Variants in UGGT2 observed in about 807,000 individuals in gnomAD.
UGGT2 encodes UDP-glucose:glycoprotein glucosyltransferase 2.
In UGGT2, 180 loss-of-function variants were observed where a neutral mutation model predicts 192.1. The observed-to-expected ratio is 0.94, with a 90% CI of 0.83 to 1.06. The LOEUF is 1.06. UGGT2 is among the 50% of genes least tolerant of loss of function. UGGT2 has a pLI of 0.00. For synonymous variants in UGGT2, 580 were observed against 591.0 expected (o/e 0.98, Z 0.27); for missense variants, 1,849 against 1,795.7 (o/e 1.03, Z -0.54).
intron 12 of UGGT2, among the ~76,000 whole-genome samples, chr13:95,959,702 C>T (rs1436682123): frequency 2.6e-5 from 4 of 152,172 alleles, no homozygotes; most frequent in South Asian, 2.1e-4. Flanking sequence ...AGAATTGTCC[C>T]GCCACTTACT....
intron 28 of UGGT2, 79 bp from the exon 29 acceptor site, chr13:95,877,443 TA>T: frequency 8.5e-7 from 1 of 1,173,092 alleles, no homozygotes; most frequent in Non-Finnish European, 1.2e-6. Context: ...ACGAATGATC[TA>T]AGAAAGTATT....
chr13:95,953,769 G>GA (rs971977841), intron 12 of UGGT2, among the ~76,000 whole-genome samples: 10 of 152,044 alleles, frequency 6.6e-5, no homozygotes, highest in Non-Finnish European at 1.2e-4. Flanking sequence ...CACATTTGGA[G>GA]AAAAAAGAAT....
chr13:95,927,834 C>T (rs1322832760), intron 17 of UGGT2, among the ~76,000 whole-genome samples: 3 of 152,238 alleles, frequency 2.0e-5, no homozygotes, highest in African/African-American at 7.2e-5. Flanking sequence ...GTTTGTGTCC[C>T]TGGGTACTTG....
intron 36 of UGGT2, among the ~76,000 whole-genome samples, chr13:95,851,460 G>C (rs1889027272): frequency 6.6e-6 from 1 of 152,138 alleles, no homozygotes; most frequent in Non-Finnish European, 1.5e-5. Context: ...GTAGAGAATA[G>C]CAACATTTAA....
chr13:95,912,082 T>A (rs186448276), intron 20 of UGGT2, among the ~76,000 whole-genome samples: 1 of 152,184 alleles, frequency 6.6e-6, no homozygotes, highest in Non-Finnish European at 1.5e-5. Flanking sequence ...TGATGGAACA[T>A]ATCTCAAAAT....
intron 38 of UGGT2, among the ~76,000 whole-genome samples, chr13:95,814,951 T>C (rs1367506492): frequency 1.3e-5 from 2 of 152,204 alleles, no homozygotes; most frequent in African/African-American, 4.8e-5. Context: ...GTATAATTTA[T>C]ATATTAACTA....
intron 5 of UGGT2, among the ~76,000 whole-genome samples, chr13:96,010,970 G>A (rs910739422): frequency 2.6e-5 from 4 of 152,122 alleles, no homozygotes; most frequent in African/African-American, 9.7e-5. Flanking sequence ...TACAAATACA[G>A]TCAATTATAT....
At chr13:95,877,640 G>T in intron 28 of UGGT2, 58 bp downstream of exon 28, 1 of 1,543,838 alleles carries the variant, frequency 6.5e-7, no homozygotes. Context: ...TTACTCTTAG[G>T]AAAACAGAGA....
intron 38 of UGGT2, among the ~76,000 whole-genome samples, chr13:95,803,139 C>G (rs1566528381): frequency 6.6e-6 from 1 of 151,792 alleles, no homozygotes. Flanking sequence ...CAGCCGATAG[C>G]CTGGTATCTA....
chr13:95,815,738 C>T (rs1884810803), intron 38 of UGGT2, among the ~76,000 whole-genome samples: 1 of 152,130 alleles, frequency 6.6e-6, no homozygotes, highest in Non-Finnish European at 1.5e-5. Context: ...TGAATAGGCA[C>T]TTTGCAAAAA....
chr13:95,807,904 C>T (rs1057494408), intron 38 of UGGT2, among the ~76,000 whole-genome samples: 3 of 151,972 alleles, frequency 2.0e-5, no homozygotes, highest in Non-Finnish European at 4.4e-5. Context: ...TATTATCATC[C>T]TTCCAGACTT....
In UGGT2 at chr13:95,851,582, T is replaced by C. The variant is rs1275319648; in HGVS notation, c.4284+1961A>G. ...AGAAGCCAATAGAGAGTCAAGAGAGTGTCAAGAAAGGAGAGGTTGAAAACA... is the reference window on the plus strand; with the variant it reads ...AGAAGCCAATAGAGAGTCAAGAGAGCGTCAAGAAAGGAGAGGTTGAAAACA... On this transcript the variant is annotated intron_variant, in intron 36 of 38. Coordinates refer to ENST00000376747, the MANE Select transcript of UGGT2 (RefSeq NM_020121.4). 3.3e-5 allele frequency among the ~76,000 whole-genome samples: 5 copies of C among 151,748 alleles called. No homozygotes were observed. In the East Asian group the frequency reaches 9.7e-4, roughly 29 times the overall value.
rs1268806255 is a variant in UGGT2 at position 95,997,631 on chromosome 13, AT to A, written c.758-1497del. On this transcript the variant is annotated intron_variant, in intron 6 of 38. Coordinates refer to ENST00000376747, the MANE Select transcript of UGGT2 (RefSeq NM_020121.4). ...GCACTCCAGCCTGGGTGACAGAGCA[AT>A]GATTCCATCTCAGGAAAAAAAAGAA... is the stretch of plus-strand genomic sequence containing the variant. 4.3e-3 allele frequency among the ~76,000 whole-genome samples: 661 copies of A among 152,254 alleles called. 2 individuals carry two copies. The highest frequency in any genetic ancestry group is 0.015 in the African/African-American group (637 of 41,536).
Position 95,860,880 on chromosome 13 carries a change from G to T in UGGT2, c.3648C>A (p.Phe1216Leu). ...TGTTTTCTTTATGCAAGCTTACTGT[G>T]AAACTTGGAATAAAAAAGTAATTGA... ...TKGLWDSIKS[F>L]TVSLHKENKK... The change falls in exon 32 of 39, where the codon TTC (phenylalanine) becomes TTA (leucine). Residue 1216 changes from phenylalanine to leucine, a missense_variant. By Grantham distance (22) the Phe-to-Leu change is conservative (BLOSUM62 0). Coordinates refer to ENST00000376747, the MANE Select transcript of UGGT2 (RefSeq NM_020121.4). 6.5e-7 allele frequency: 1 copy of T among 1,542,040 alleles called. No individual in the cohort carries two copies. Among genetic ancestry groups the T allele is most frequent in the Admixed American group, 2.0e-5 (1 of 50,400 alleles).
In UGGT2 at chr13:95,948,009, C is replaced by G. The variant is rs768401379; in HGVS notation, c.1528G>C (p.Glu510Gln). The change falls in exon 14 of 39, where the codon GAA becomes CAA. Residue 510 changes from glutamate to glutamine, a missense_variant. Transcript: ENST00000376747. ...AATGACAATTACCTAAGAGGAACTT[C>G]GTGAGAATAGAAAACATCAGCAAGT... ...IKLADVFYSH[E>Q]VPLRIGFVFI... is the part of the protein sequence containing the mutation. 7 of 1,612,126 alleles carry G rather than the reference C, an allele frequency of 4.3e-6. No homozygotes were observed. The African/African-American group carries it at 5.3e-5, about 12-fold the overall frequency.
chr13:95,992,773 A>T (rs886937959), intron 7 of UGGT2, among the ~76,000 whole-genome samples: 1 of 152,186 alleles, frequency 6.6e-6, no homozygotes, highest in African/African-American at 2.4e-5. Context: ...TCAAAAAGTA[A>T]CAGATGCTGG....
intron 10 of UGGT2, among the ~76,000 whole-genome samples, chr13:95,975,726 G>C (rs948028862): frequency 6.6e-6 from 1 of 152,238 alleles, no homozygotes; most frequent in Admixed American, 6.5e-5. Context: ...GACTGGTTGA[G>C]ATTTACAATG....
chr13:95,993,938 T>C (rs2051535617), intron 7 of UGGT2, among the ~76,000 whole-genome samples: 1 of 152,150 alleles, frequency 6.6e-6, no homozygotes, highest in South Asian at 2.1e-4. Flanking sequence ...ATGCTATTCC[T>C]TGTCTTCAAT....
In UGGT2 at chr13:95,801,619, T is replaced by C. The variant is rs1035796396; in HGVS notation, c.*171A>G. On this transcript the variant is annotated 3_prime_UTR_variant, in exon 39 of 39. Coordinates refer to ENST00000376747, the MANE Select transcript of UGGT2 (RefSeq NM_020121.4). Reference sequence around the variant, plus strand: ...TGGTCATTTATTATATAACTTAAACTCATTCAATACATTAAATAACTGTTT... The same window carrying C: ...TGGTCATTTATTATATAACTTAAACCCATTCAATACATTAAATAACTGTTT... 5.1e-6 allele frequency: 3 copies of C among 587,352 alleles called. No individual in the cohort carries two copies. The highest frequency in any genetic ancestry group is 3.4e-5 in the Admixed American group (1 of 29,692). 36.4% of individuals were successfully genotyped at this position (587,352 alleles called of 1,614,324 possible).
Sources: allele counts gnomAD v4.1 joint callset (sites outside exome capture counted in the v4.1 genomes callset), GRCh38; gene constraint gnomAD v4.1.1; transcripts MANE v1.5; gene names NCBI Gene and HGNC (gene_info 2026-07-23, HGNC 2026-07-21).